The following LPP variants were observed in gnomAD, a reference collection of about 807,000 sequenced individuals.
LPP encodes LIM domain containing preferred translocation partner in lipoma.
LPP carries 38 observed loss-of-function variants against 60.4 expected under a neutral mutation model. The observed-to-expected ratio is 0.63, with a 90% CI of 0.49 to 0.83. The LOEUF is 0.83. Ranked by LOEUF, LPP falls within the 40% of genes least tolerant of loss-of-function variation. The pLI is 0.00. For missense variants in LPP, 902 were observed against 783.6 expected (o/e 1.15, Z -1.80); for synonymous variants, 328 against 290.8 (o/e 1.13, Z -1.30).
chr3:188,197,154 G>A (rs979277797), intron 1 of LPP, among the ~76,000 whole-genome samples: 3 of 152,184 alleles, frequency 2.0e-5, no homozygotes, highest in African/African-American at 7.2e-5. Context: ...GCCAGGTAGG[G>A]ATGGGAGCAT....
intron 9 of LPP, among the ~76,000 whole-genome samples, chr3:188,803,589 T>C (rs919834619): frequency 1.8e-4 from 28 of 152,232 alleles, no homozygotes; most frequent in African/African-American, 6.5e-4. Flanking sequence ...ATGCAGATTG[T>C]AAATCAGATG....
At chr3:188,748,956 A>G (rs528950915) in intron 8 of LPP, among the ~76,000 whole-genome samples, 44 of 152,216 alleles carry the variant, frequency 2.9e-4, no homozygotes, top group African/African-American at 1.1e-3. Flanking sequence ...TGCAGAACCC[A>G]CTCAGTACCC....
intron 9 of LPP, among the ~76,000 whole-genome samples, chr3:188,772,748 C>T (rs544148638): frequency 6.6e-6 from 1 of 152,014 alleles, no homozygotes; most frequent in Non-Finnish European, 1.5e-5. Flanking sequence ...ACCTTTAATT[C>T]GTCTTTGTCT....
chr3:188,865,334 T>C (rs982862560), intron 9 of LPP, among the ~76,000 whole-genome samples: 4 of 152,222 alleles, frequency 2.6e-5, no homozygotes, highest in African/African-American at 9.6e-5. Context: ...AATTCACTTT[T>C]TCAAACCAGC....
chr3:188,483,200 T>A (rs1805324497), intron 4 of LPP, among the ~76,000 whole-genome samples: 2 of 152,172 alleles, frequency 1.3e-5, no homozygotes. Flanking sequence ...AGTTCTTGGC[T>A]TAGCTACACT....
At chr3:188,491,962 G>A (rs1808501514) in intron 5 of LPP, among the ~76,000 whole-genome samples, 1 of 151,892 alleles carries the variant, frequency 6.6e-6, no homozygotes, top group Non-Finnish European at 1.5e-5. Flanking sequence ...ATTGATAGTG[G>A]AGTATGTGTA....
At chr3:188,375,704 C>G (rs1276964626) in intron 3 of LPP, among the ~76,000 whole-genome samples, 1 of 152,004 alleles carries the variant, frequency 6.6e-6, no homozygotes, top group African/African-American at 2.4e-5. Context: ...GTCTCTATTT[C>G]CTTCATTCTG....
chr3:188,230,631 A>G (rs1254254430), intron 2 of LPP, among the ~76,000 whole-genome samples: 4 of 151,916 alleles, frequency 2.6e-5, no homozygotes, highest in African/African-American at 9.7e-5. Flanking sequence ...TAGAAATACA[A>G]AATTAGCCGG....
At chr3:188,224,685 T>C (rs564588580) in intron 1 of LPP, among the ~76,000 whole-genome samples, 1 of 152,156 alleles carries the variant, frequency 6.6e-6, no homozygotes, top group Admixed American at 6.5e-5. Flanking sequence ...GAGGAGCAGG[T>C]GTCTCAGATG....
intron 7 of LPP, among the ~76,000 whole-genome samples, chr3:188,618,839 T>C (rs1165647757): frequency 1.3e-5 from 2 of 152,128 alleles, no homozygotes; most frequent in African/African-American, 4.8e-5. Context: ...TAAATTCACA[T>C]TTAAAGATGA....
chr3:188,617,688 A>C lies in LPP; in HGVS notation c.1113+7844A>C, dbSNP rs570964488. ...TGAATATTATTTATTTATTTTACTT[A>C]TCTAATCATTTTCATAGATTTGGTT... On this transcript the variant is annotated intron_variant, in intron 7 of 11. Transcript: ENST00000617246. Among the ~76,000 whole-genome samples the C allele has an allele frequency of 1.6e-4, 24 of 152,304 alleles. No homozygotes were observed. In the South Asian group the frequency reaches 5.0e-3, roughly 32 times the overall value.
chr3:188,631,938 A>G (rs1319615841), intron 7 of LPP, among the ~76,000 whole-genome samples: 1 of 152,172 alleles, frequency 6.6e-6, no homozygotes, highest in African/African-American at 2.4e-5. Flanking sequence ...ATTTCCCTAC[A>G]TGAGCGTACA....
chr3:188,815,493 C>A (rs1282498231), intron 9 of LPP, among the ~76,000 whole-genome samples: 1 of 150,984 alleles, frequency 6.6e-6, no homozygotes. Context: ...AAGATTGTAT[C>A]TCTGAGTGAG....
chr3:188,815,576 C>G (rs1242695147), intron 9 of LPP, among the ~76,000 whole-genome samples: 1 of 151,712 alleles, frequency 6.6e-6, no homozygotes, highest in Non-Finnish European at 1.5e-5. Context: ...CAGTAATTGA[C>G]TCTTACGCTT....
chr3:188,447,753 G>A (rs982939816), intron 4 of LPP, among the ~76,000 whole-genome samples: 1 of 152,000 alleles, frequency 6.6e-6, no homozygotes, highest in Non-Finnish European at 1.5e-5. Flanking sequence ...TCCAGCCTGG[G>A]CGACACAGCA....
chr3:188,760,924 TA>T (rs1732104370), intron 9 of LPP, among the ~76,000 whole-genome samples: 1 of 152,210 alleles, frequency 6.6e-6, no homozygotes, highest in Admixed American at 6.5e-5. Context: ...TTTAATAATA[TA>T]CCTGGGTAAC....
rs565791566 is a variant in LPP, at chr3:188,594,743, A to T, written c.430-14418A>T. Reference sequence around the variant, plus strand: ...GGAAAACATATTTGGAGATATGATTATTTTTTTCTGTAAATAAAGTTACTT... The same window carrying T: ...GGAAAACATATTTGGAGATATGATTTTTTTTTTCTGTAAATAAAGTTACTT... On this transcript the variant is annotated intron_variant, in intron 6 of 11. Coordinates refer to ENST00000617246, the MANE Select transcript of LPP (RefSeq NM_001375462.1). Among the ~76,000 whole-genome samples, 65 of 152,236 alleles carry T rather than the reference A, an allele frequency of 4.3e-4. 1 individual carries two copies. The highest frequency in any genetic ancestry group is 3.4e-3 in the Middle Eastern group (1 of 294).
intron 3 of LPP, among the ~76,000 whole-genome samples, chr3:188,358,088 T>C (rs775349292): frequency 4.6e-5 from 7 of 152,238 alleles, no homozygotes; most frequent in African/African-American, 7.2e-5. Context: ...TAAATGCTTA[T>C]AGATTTAGGT....
intron 7 of LPP, among the ~76,000 whole-genome samples, chr3:188,682,326 C>T (rs1432247051): frequency 6.6e-6 from 1 of 152,230 alleles, no homozygotes; most frequent in Non-Finnish European, 1.5e-5. Flanking sequence ...AATGGTAACA[C>T]AGATTGTGTG....
Sources: gnomAD v4.1 joint callset for allele counts (sites outside exome capture counted in the v4.1 genomes callset) on GRCh38, gnomAD v4.1.1 for gene constraint, MANE v1.5 for transcripts, NCBI Gene and HGNC (gene_info 2026-07-23, HGNC 2026-07-21) for gene names.